Variants in CUL1 observed in about 807,000 individuals in gnomAD.
CUL1 encodes cullin-1.
In CUL1, 24 loss-of-function variants were observed where a neutral mutation model predicts 118.0. The observed-to-expected ratio is 0.20, with a 90% confidence interval of 0.15 to 0.29. The LOEUF is 0.29. Among genes scored for constraint, CUL1 ranks in the 10% least tolerant of loss-of-function variants. CUL1 has a pLI of 1.00. For synonymous variants in CUL1, 332 were observed against 340.4 expected, an observed-to-expected ratio of 0.98 and a Z score of 0.27; for missense variants, 361 against 933.8, an observed-to-expected ratio of 0.39 and a Z score of 7.99.
intron 7 of CUL1, among the ~76,000 whole-genome samples, chr7:148,761,806 C>G (rs1799839804): frequency 6.6e-6 from 1 of 152,226 alleles, no homozygotes; most frequent in African/African-American, 2.4e-5. Context: ...CCTAGCTGTA[C>G]TAGGACAATG....
chr7:148,797,665 A>G (rs1801249870), intron 17 of CUL1, 147 bp from the exon 18 acceptor site: 2 of 631,442 alleles, frequency 3.2e-6, no homozygotes, highest in Non-Finnish European at 5.4e-6. Flanking sequence ...AGAAGTACCA[A>G]CTTTTTTTTC....
At chr7:148,716,927 G>A (rs549106048) in intron 1 of CUL1, among the ~76,000 whole-genome samples, 8 of 152,336 alleles carry the variant, frequency 5.3e-5, no homozygotes, top group Admixed American at 3.9e-4. Flanking sequence ...CCTAGAAGTG[G>A]ATTGCTAGGT....
At chr7:148,738,307 G>A (rs955537770) in intron 2 of CUL1, among the ~76,000 whole-genome samples, 6 of 152,324 alleles carry the variant, frequency 3.9e-5, no homozygotes, top group African/African-American at 1.4e-4. Context: ...CTGGACAGGT[G>A]CCCAGAAGGT....
Position 148,792,797 on chromosome 7 carries a change from C to T in CUL1, c.1878C>T (p.Thr626=), listed in dbSNP as rs753323022. The T allele has an allele frequency of 4.3e-6, 7 of 1,612,170 alleles. No individual in the cohort carries two copies. The South Asian group carries it at 4.4e-5, about 10-fold the overall frequency. Reference sequence around the variant, plus strand: ...ATGCCTACACTGTGCAGCAGCTGACCGACAGCACTCAAATTAAAATGGTAT... The same window carrying T: ...ATGCCTACACTGTGCAGCAGCTGACTGACAGCACTCAAATTAAAATGGTAT... ...TEDAYTVQQL[T]DSTQIKMDIL... The change falls in exon 17 of 22, where the codon ACC becomes ACT. Residue 626 remains threonine, a synonymous_variant. Coordinates refer to ENST00000325222, the MANE Select transcript of CUL1 (RefSeq NM_003592.3).
chr7:148,723,020 ATAGT>A (rs1489062030), intron 1 of CUL1, among the ~76,000 whole-genome samples: 5 of 152,360 alleles, frequency 3.3e-5, no homozygotes, highest in Middle Eastern at 3.4e-3. Context: ...TACTAAAGTA[ATAGT>A]TAGCATTTTT....
intron 1 of CUL1, among the ~76,000 whole-genome samples, chr7:148,727,917 A>C (rs1798639044): frequency 6.6e-6 from 1 of 152,154 alleles, no homozygotes; most frequent in African/African-American, 2.4e-5. Flanking sequence ...TGTTGCTCTT[A>C]GGGTGACAGC....
intron 4 of CUL1, among the ~76,000 whole-genome samples, chr7:148,758,522 T>C (rs1416718199): frequency 6.6e-6 from 1 of 152,052 alleles, no homozygotes; most frequent in Non-Finnish European, 1.5e-5. Flanking sequence ...GAGGCTGAGG[T>C]GGAAGCATCA....
In CUL1 at chr7:148,730,162, C is replaced by G; in HGVS notation, c.40C>G (p.Gln14Glu). Residue 14 changes from glutamine to glutamate, a missense_variant, in exon 2 of 22, where the codon CAG (glutamine) becomes GAG (glutamate). By Grantham distance (29) the Gln-to-Glu change is conservative. Transcript: ENST00000325222. Reference protein sequence around the residue: ...TRSQNPHGLKQIGLDQIWDDL... With the variant: ...TRSQNPHGLKEIGLDQIWDDL... ...GAGCCAGAACCCCCACGGCCTGAAG[C>G]AGATTGGCCTGGACCAGATCTGGGA... 6.2e-7 allele frequency: 1 copy of G among 1,614,116 alleles called. No individual in the cohort carries two copies. The highest frequency in any genetic ancestry group is 8.5e-7 in the Non-Finnish European group (1 of 1,180,008).
chr7:148,770,899 A>G (rs1299647688), intron 9 of CUL1, among the ~76,000 whole-genome samples: 1 of 152,266 alleles, frequency 6.6e-6, no homozygotes, highest in Non-Finnish European at 1.5e-5. Context: ...CTGATTATGA[A>G]AAATCAGGAG....
chr7:148,782,879 C>G (rs112778513), intron 9 of CUL1, among the ~76,000 whole-genome samples: 1,731 of 152,254 alleles, frequency 0.011, 29 homozygotes, highest in African/African-American at 0.04. Context: ...CTGGGGGTGA[C>G]CCGGAGCTCC....
chr7:148,769,806 G>A (rs987902922), intron 9 of CUL1, among the ~76,000 whole-genome samples: 2 of 152,074 alleles, frequency 1.3e-5, no homozygotes, highest in East Asian at 3.9e-4. Flanking sequence ...GAGGCAGGAG[G>A]GTCACTTGAG....
intron 7 of CUL1, among the ~76,000 whole-genome samples, chr7:148,766,021 C>T (rs1799991479): frequency 6.6e-6 from 1 of 152,156 alleles, no homozygotes; most frequent in Non-Finnish European, 1.5e-5. Context: ...TGTTAGGGCA[C>T]TTAAAAAGGA....
At chr7:148,712,031 G>A (rs1798069938) in intron 1 of CUL1, among the ~76,000 whole-genome samples, 1 of 152,186 alleles carries the variant, frequency 6.6e-6, no homozygotes, top group Admixed American at 6.5e-5. Context: ...TTTCCCTGGG[G>A]CACCACTTCC....
chr7:148,712,238 A>G (rs1212308316), intron 1 of CUL1, among the ~76,000 whole-genome samples: 1 of 152,210 alleles, frequency 6.6e-6, no homozygotes, highest in Non-Finnish European at 1.5e-5. Flanking sequence ...ATTCACTAGC[A>G]AGAGAGCTAG....
intron 2 of CUL1, among the ~76,000 whole-genome samples, chr7:148,749,842 C>T (rs1394683741): frequency 6.6e-6 from 1 of 152,056 alleles, no homozygotes; most frequent in Non-Finnish European, 1.5e-5. Context: ...TTGTGCTAAA[C>T]AGTTAGCCAA....
intron 2 of CUL1, among the ~76,000 whole-genome samples, chr7:148,730,734 C>T (rs1219261727): frequency 6.6e-6 from 1 of 152,168 alleles, no homozygotes; most frequent in African/African-American, 2.4e-5. Flanking sequence ...ATATTTACTA[C>T]CTGCCCTTTT....
chr7:148,699,517 C>T (rs956272342), intron 1 of CUL1, among the ~76,000 whole-genome samples: 1 of 152,136 alleles, frequency 6.6e-6, no homozygotes, highest in African/African-American at 2.4e-5. Flanking sequence ...GCGCTGCTTT[C>T]CGGCCGACGC....
intron 1 of CUL1, among the ~76,000 whole-genome samples, chr7:148,705,936 C>A (rs921880715): frequency 6.6e-6 from 1 of 152,266 alleles, no homozygotes; most frequent in Admixed American, 6.5e-5. Flanking sequence ...AACCCTTAGT[C>A]TAGGTTGAGC....
intron 9 of CUL1, among the ~76,000 whole-genome samples, chr7:148,778,917 A>G (rs748079356): frequency 1.3e-5 from 2 of 152,170 alleles, no homozygotes; most frequent in Admixed American, 6.5e-5. Context: ...GTAGCACCCC[A>G]TTATTCCTCT....
Sources: allele counts gnomAD v4.1 joint callset (sites outside exome capture counted in the v4.1 genomes callset), GRCh38; gene constraint gnomAD v4.1.1; transcripts MANE v1.5; gene names NCBI Gene and HGNC (gene_info 2026-07-23, HGNC 2026-07-21).